AUTS2: variants seen among roughly 807,000 people sequenced by gnomAD.
The protein encoded by AUTS2 is autism susceptibility gene 2 protein.
In AUTS2, 17 loss-of-function variants were observed where a neutral mutation model predicts 112.4. The ratio of observed to expected loss-of-function variants is 0.15; its 90% CI spans 0.10 to 0.23. The LOEUF (loss-of-function observed/expected upper bound fraction) is 0.23. AUTS2 is among the 10% of genes least tolerant of loss of function. AUTS2 has a pLI of 1.00. For synonymous variants in AUTS2, 751 were observed against 702.7 expected (o/e 1.07, Z -1.09); for missense variants, 1,510 against 1,701.6 (o/e 0.89, Z 1.98).
At chr7:70,122,719 G>A (rs1028968095) in intron 3 of AUTS2, among the ~76,000 whole-genome samples, 5 of 151,996 alleles carry the variant, frequency 3.3e-5, no homozygotes, top group African/African-American at 1.2e-4. Context: ...TACTGAAAAG[G>A]AAAGAAAGAA....
chr7:70,745,089 A>G (rs73437335), intron 6 of AUTS2, among the ~76,000 whole-genome samples: 2,439 of 152,190 alleles, frequency 0.016, 57 homozygotes, highest in African/African-American at 0.056. Flanking sequence ...CATTTGAGAA[A>G]AGTCCTTATT....
At chr7:69,631,241 G>A (rs1391397351) in intron 1 of AUTS2, among the ~76,000 whole-genome samples, 1 of 151,914 alleles carries the variant, frequency 6.6e-6, no homozygotes, top group African/African-American at 2.4e-5. Flanking sequence ...AAAAGGTTAA[G>A]AACCAAGGTC....
chr7:70,203,503 T>A (rs534551162), intron 4 of AUTS2, among the ~76,000 whole-genome samples: 7 of 150,536 alleles, frequency 4.7e-5, no homozygotes, highest in African/African-American at 1.7e-4. Context: ...CATATGCATA[T>A]TTGACATTAA....
intron 6 of AUTS2, among the ~76,000 whole-genome samples, chr7:70,709,716 A>C (rs543022691): frequency 5.3e-5 from 8 of 152,298 alleles, no homozygotes; most frequent in Non-Finnish European, 2.9e-5. Context: ...TGTCTGGAAA[A>C]ATATTTACAT....
chr7:69,784,529 C>T (rs1015608203), intron 1 of AUTS2, among the ~76,000 whole-genome samples: 4 of 152,076 alleles, frequency 2.6e-5, no homozygotes, highest in South Asian at 4.2e-4. Context: ...GGACAGGTCC[C>T]GAAGGAGTGG....
At chr7:70,468,074 T>A (rs566858685) in intron 5 of AUTS2, among the ~76,000 whole-genome samples, 1 of 152,220 alleles carries the variant, frequency 6.6e-6, no homozygotes, top group Admixed American at 6.5e-5. Context: ...TATTTTGTTA[T>A]TATGCGGTTG....
chr7:69,941,495 A>C (rs1796624870), intron 2 of AUTS2, among the ~76,000 whole-genome samples: 1 of 152,088 alleles, frequency 6.6e-6, no homozygotes, highest in Admixed American at 6.6e-5. Flanking sequence ...GGGTGGGGTG[A>C]GATAAATTCC....
At chr7:69,953,040 C>T (rs1211542365) in intron 2 of AUTS2, among the ~76,000 whole-genome samples, 1 of 152,102 alleles carries the variant, frequency 6.6e-6, no homozygotes, top group Non-Finnish European at 1.5e-5. Flanking sequence ...TTTTGAATTT[C>T]CCTCCTCCCT....
intron 5 of AUTS2, among the ~76,000 whole-genome samples, chr7:70,491,448 A>G (rs1273234622): frequency 7.4e-6 from 1 of 134,570 alleles, no homozygotes. Flanking sequence ...ATATATACAC[A>G]TAATATATAT....
intron 5 of AUTS2, among the ~76,000 whole-genome samples, chr7:70,633,712 G>T (rs570409800): frequency 6.6e-6 from 1 of 152,044 alleles, no homozygotes; most frequent in South Asian, 2.1e-4. Context: ...ATATTTGAGG[G>T]GACAGCTGGG....
At chr7:70,169,530 C>T (rs993907335) in intron 4 of AUTS2, among the ~76,000 whole-genome samples, 6 of 152,090 alleles carry the variant, frequency 3.9e-5, no homozygotes, top group Admixed American at 1.3e-4. Flanking sequence ...CATGAGCCAC[C>T]GCATACGGCC....
At chr7:70,403,868 AAGG>A (rs1209678788) in intron 4 of AUTS2, among the ~76,000 whole-genome samples, 1 of 152,188 alleles carries the variant, frequency 6.6e-6, no homozygotes, top group Non-Finnish European at 1.5e-5. Flanking sequence ...GAGGTTTTGG[AAGG>A]AGATCAAAGA....
intron 2 of AUTS2, among the ~76,000 whole-genome samples, chr7:70,090,315 T>C (rs1039170982): frequency 1.1e-4 from 17 of 152,172 alleles, no homozygotes; most frequent in Non-Finnish European, 1.5e-4. Context: ...ACTATATTGT[T>C]ATTGATATTT....
chr7:69,804,865 A>T (rs1790232710), intron 1 of AUTS2, among the ~76,000 whole-genome samples: 1 of 152,226 alleles, frequency 6.6e-6, no homozygotes, highest in Admixed American at 6.5e-5. Context: ...CTCTACCATG[A>T]CTTCCTGAAT....
chr7:70,183,029 A>G (rs997452595), intron 4 of AUTS2, among the ~76,000 whole-genome samples: 4 of 152,176 alleles, frequency 2.6e-5, no homozygotes, highest in Non-Finnish European at 4.4e-5. Flanking sequence ...TTGAAGGAAA[A>G]TGGGAGAAAT....
chr7:70,155,903 C>T (rs1301520165), intron 4 of AUTS2, among the ~76,000 whole-genome samples: 5 of 152,196 alleles, frequency 3.3e-5, no homozygotes, highest in Non-Finnish European at 5.9e-5. Context: ...CCCAGAATCT[C>T]ACTATCTGGC....
rs576748405 is a variant in AUTS2, at chr7:70,528,222, A to G, written c.690+92441A>G. On this transcript the variant is annotated intron_variant, in intron 5 of 18. Coordinates refer to ENST00000342771, the MANE Select transcript of AUTS2 (RefSeq NM_015570.4). ...TAAGTTCCCAAAACAGTGATTGACCATGGGTCAAGATTCCCCCAATGAAGA... is the reference window on the plus strand; with the variant it reads ...TAAGTTCCCAAAACAGTGATTGACCGTGGGTCAAGATTCCCCCAATGAAGA... 3.5e-3 allele frequency among the ~76,000 whole-genome samples: 522 copies of G among 150,646 alleles called. 3 individuals carry two copies. The highest frequency in any genetic ancestry group is 0.012 in the African/African-American group (498 of 41,126).
intron 1 of AUTS2, among the ~76,000 whole-genome samples, chr7:69,876,347 AAAATATATATATATATATATATAT>A (rs1793759525): frequency 6.5e-5 from 3 of 46,482 alleles, no homozygotes; most frequent in South Asian, 9.6e-4. Context: ...AAAAAAAAAA[AAAATATATATATATATATATATAT>A]ATATATATAT....
rs200247802 is a variant in AUTS2, at chr7:70,468,533, GA to G, written c.690+32755del. Among the ~76,000 whole-genome samples, 592 of 152,328 alleles carry G rather than the reference GA, an allele frequency of 3.9e-3. 6 individuals carry two copies. The highest frequency in any genetic ancestry group is 0.013 in the African/African-American group (533 of 41,586). ...CCACATGCTGAGAGATCTTGTAAAT[GA>G]AATCACTGACCCCTCCCTGCCAGAG... On this transcript the variant is annotated intron_variant, in intron 5 of 18. Coordinates refer to ENST00000342771, the MANE Select transcript of AUTS2 (RefSeq NM_015570.4).
Sources: allele counts gnomAD v4.1 joint callset (sites outside exome capture counted in the v4.1 genomes callset), GRCh38; gene constraint gnomAD v4.1.1; transcripts MANE v1.5; gene names NCBI Gene and HGNC (gene_info 2026-07-23, HGNC 2026-07-21).